The following MYT1L variants were observed in gnomAD, a reference collection of about 807,000 sequenced individuals.
The protein encoded by MYT1L is myelin transcription factor 1 like.
A neutral mutation model predicts 126.7 loss-of-function variants in MYT1L; 12 were observed. The observed-to-expected ratio is 0.09, with a 90% CI of 0.06 to 0.15. The LOEUF (loss-of-function observed/expected upper bound fraction) is 0.15. Ranked by LOEUF, MYT1L falls within the 10% of genes least tolerant of loss-of-function variation. The pLI is 1.00. For missense variants in MYT1L, 979 were observed against 1,585.2 expected (o/e 0.62, Z 6.49); for synonymous variants, 541 against 604.2 (o/e 0.90, Z 1.53).
At chr2:1,999,819 C>T (rs2062192963) in intron 4 of MYT1L, among the ~76,000 whole-genome samples, 1 of 152,152 alleles carries the variant, frequency 6.6e-6, no homozygotes. Flanking sequence ...TACCCAGAAA[C>T]ATACATATGA....
chr2:1,974,043 G>A lies in MYT1L; in HGVS notation c.152+5122C>T, dbSNP rs112005525. On this transcript the variant is annotated intron_variant, in intron 8 of 24. Transcript: ENST00000647738. ...ATCTATCCACAAAACAATAGCGGAC[G>A]GTACACCGGGACAGCTTCTGTCTTC... Among the ~76,000 whole-genome samples, 197 of 152,316 alleles carry A rather than the reference G, an allele frequency of 1.3e-3. 1 individual carries two copies. Among genetic ancestry groups the A allele is most frequent in the African/African-American group, 4.5e-3 (189 of 41,570 alleles).
chr2:2,256,045 T>G (rs1009074661), intron 2 of MYT1L, among the ~76,000 whole-genome samples: 26 of 152,114 alleles, frequency 1.7e-4, no homozygotes, highest in African/African-American at 6.0e-4. Flanking sequence ...AAAGAGAAGG[T>G]CCACCTGACC....
intron 3 of MYT1L, among the ~76,000 whole-genome samples, chr2:2,056,432 C>CTA (rs973269118): frequency 3.9e-4 from 60 of 152,326 alleles, no homozygotes; most frequent in African/African-American, 1.4e-3. Flanking sequence ...GACAAATGAA[C>CTA]TATAGGCTAA....
At chr2:2,204,180 T>A (rs867411526) in intron 2 of MYT1L, among the ~76,000 whole-genome samples, 3 of 151,966 alleles carry the variant, frequency 2.0e-5, no homozygotes, top group Non-Finnish European at 4.4e-5. Flanking sequence ...CTAGGCAATA[T>A]CATTCAGGAC....
At chr2:1,871,038 G>A (rs1459337649) in intron 18 of MYT1L, among the ~76,000 whole-genome samples, 2 of 152,212 alleles carry the variant, frequency 1.3e-5, no homozygotes, top group African/African-American at 4.8e-5. Context: ...ATTCCCCGCA[G>A]AGGGAGAGGA....
chr2:2,152,467 A>C (rs2085964844), intron 3 of MYT1L, among the ~76,000 whole-genome samples: 1 of 152,220 alleles, frequency 6.6e-6, no homozygotes, highest in East Asian at 1.9e-4. Flanking sequence ...TAGGTTCCAG[A>C]CCAGTTACGC....
intron 2 of MYT1L, among the ~76,000 whole-genome samples, chr2:2,243,944 T>A (rs1179953120): frequency 1.3e-5 from 2 of 152,168 alleles, no homozygotes; most frequent in African/African-American, 2.4e-5. Context: ...AAAGACCACA[T>A]GCAGGATTGG....
rs2036684916 is a variant in MYT1L at position 1,811,689 on chromosome 2, T to A, written c.3081-2522A>T. ...TCCTCTCACCCTGCCTGCTGCTGTT[T>A]ACACCGGAAATCCCTGTGCTACTCA... On this transcript the variant is annotated intron_variant, in intron 21 of 24. Coordinates refer to ENST00000647738, the MANE Select transcript of MYT1L (RefSeq NM_001303052.2). This position sits in a 1 kb window ranked among gnomAD's most constrained non-coding sequence, Gnocchi z 4.4. 6.6e-6 allele frequency among the ~76,000 whole-genome samples: 1 copy of A among 152,168 alleles called. No individual in the cohort carries two copies. Among genetic ancestry groups the A allele is most frequent in the Non-Finnish European group, 1.5e-5 (1 of 68,028 alleles).
chr2:1,968,711 T>C (rs1426840571), intron 8 of MYT1L, among the ~76,000 whole-genome samples: 1 of 152,106 alleles, frequency 6.6e-6, no homozygotes, highest in African/African-American at 2.4e-5. Flanking sequence ...AAGAGGGCCC[T>C]AGGATCCTAC....
At chr2:2,012,317 C>A (rs941909480) in intron 4 of MYT1L, among the ~76,000 whole-genome samples, 1 of 152,184 alleles carries the variant, frequency 6.6e-6, no homozygotes, top group African/African-American at 2.4e-5. Context: ...GATGCTACGA[C>A]ATAAATGAAG....
intron 23 of MYT1L, among the ~76,000 whole-genome samples, chr2:1,800,476 C>T (rs1204902318): frequency 6.6e-6 from 1 of 152,214 alleles, no homozygotes; most frequent in Non-Finnish European, 1.5e-5. Flanking sequence ...AGCCACATGG[C>T]CTGGTGGGGA....
chr2:1,831,515 C>T (rs967744666), intron 21 of MYT1L, among the ~76,000 whole-genome samples: 1 of 152,160 alleles, frequency 6.6e-6, no homozygotes, highest in East Asian at 1.9e-4. Flanking sequence ...TAGTCATGTC[C>T]TCTACAACCC....
intron 18 of MYT1L, among the ~76,000 whole-genome samples, chr2:1,860,985 T>TCACA (rs35080379): frequency 1.6e-3 from 245 of 151,440 alleles, no homozygotes; most frequent in African/African-American, 5.5e-3. Context: ...ACTGCTCACC[T>TCACA]CACACACACA....
chr2:1,835,876 C>T (rs1416458177), intron 21 of MYT1L, among the ~76,000 whole-genome samples: 2 of 152,208 alleles, frequency 1.3e-5, no homozygotes, highest in Non-Finnish European at 2.9e-5. Flanking sequence ...CCCTGGCATG[C>T]TGACATTTCA....
intron 2 of MYT1L, among the ~76,000 whole-genome samples, chr2:2,192,306 T>C: frequency 6.6e-6 from 1 of 152,194 alleles, no homozygotes; most frequent in East Asian, 1.9e-4. Flanking sequence ...AGAGCAGTTG[T>C]AAGGGACAGT....
chr2:1,903,346 C>T, intron 13 of MYT1L, 52 bp from the exon 14 acceptor site: 2 of 1,421,440 alleles, frequency 1.4e-6, no homozygotes, highest in Non-Finnish European at 2.0e-6. Flanking sequence ...TGGCTTTGTA[C>T]ACGACGAGCT....
Position 2,126,026 on chromosome 2 carries a change from C to T in MYT1L, c.-304+46846G>A, listed in dbSNP as rs146097642. On this transcript the variant is annotated intron_variant, in intron 3 of 24. Coordinates refer to ENST00000647738, the MANE Select transcript of MYT1L (RefSeq NM_001303052.2). The stretch of plus-strand genomic sequence containing the variant: ...CCAGATCATGGTGGACACAACATTC[C>T]CCTCGTGGGCCATGGCTAACCCAGG... Among the ~76,000 whole-genome samples the T allele has an allele frequency of 3.3e-3, 510 of 152,308 alleles. 3 individuals are homozygous for T. Among genetic ancestry groups the T allele is most frequent in the African/African-American group, 0.011 (468 of 41,570 alleles).
intron 2 of MYT1L, among the ~76,000 whole-genome samples, chr2:2,188,200 A>G (rs1200799871): frequency 1.3e-5 from 2 of 152,222 alleles, no homozygotes; most frequent in Admixed American, 6.5e-5. Context: ...TGAACCTAAC[A>G]CAAAAAGGCA....
At chr2:1,837,347 T>G (rs1018709791) in intron 21 of MYT1L, among the ~76,000 whole-genome samples, 1 of 152,236 alleles carries the variant, frequency 6.6e-6, no homozygotes, top group African/African-American at 2.4e-5. Context: ...TGTTTTCGTT[T>G]GTGTCAGGTT....
Sources: gnomAD v4.1 joint callset for allele counts (sites outside exome capture counted in the v4.1 genomes callset) on GRCh38, gnomAD v4.1.1 for gene constraint, Gnocchi (gnomAD v3.1) non-coding constraint, MANE v1.5 for transcripts, NCBI Gene and HGNC (gene_info 2026-07-23, HGNC 2026-07-21) for gene names.